Variants in ASIC2 observed in about 807,000 individuals in gnomAD.
ASIC2 encodes the protein acid sensing ion channel subunit 2.
ASIC2 carries 25 observed loss-of-function variants against 57.3 expected under a neutral mutation model. That is an observed-to-expected ratio of 0.44 (90% confidence interval 0.32 to 0.61). ASIC2 has a LOEUF of 0.61. Among genes scored for constraint, ASIC2 ranks in the 20% least tolerant of loss-of-function variants. ASIC2 has a pLI of 0.06. For missense variants in ASIC2, 641 were observed against 738.1 expected (o/e 0.87, Z 1.52); for synonymous variants, 319 against 307.5 (o/e 1.04, Z -0.39).
chr17:33,135,493 G>T (rs1287915781), intron 1 of ASIC2, among the ~76,000 whole-genome samples: 1 of 152,212 alleles, frequency 6.6e-6, no homozygotes, highest in African/African-American at 2.4e-5. Flanking sequence ...GCAAAAATTT[G>T]CTCTTGTTCA....
intron 1 of ASIC2, among the ~76,000 whole-genome samples, chr17:33,172,314 G>T (rs183882466): frequency 7.9e-5 from 12 of 152,288 alleles, no homozygotes; most frequent in Non-Finnish European, 1.3e-4. Flanking sequence ...TATTTTCCAC[G>T]TATGGAGTGG....
At chr17:33,080,904 C>T (rs2092110742) in intron 3 of ASIC2, among the ~76,000 whole-genome samples, 1 of 152,126 alleles carries the variant, frequency 6.6e-6, no homozygotes, top group Admixed American at 6.5e-5. Context: ...CAACTGAAAA[C>T]TGATTATTTC....
intron 1 of ASIC2, among the ~76,000 whole-genome samples, chr17:33,771,018 G>T (rs1272534610): frequency 6.6e-6 from 1 of 152,166 alleles, no homozygotes; most frequent in African/African-American, 2.4e-5. Flanking sequence ...TGGGGATTGG[G>T]GGACTGATCA....
intron 1 of ASIC2, among the ~76,000 whole-genome samples, chr17:34,147,658 A>G (rs985669396): frequency 6.6e-5 from 10 of 152,208 alleles, no homozygotes; most frequent in Non-Finnish European, 1.2e-4. Context: ...TGGAGTTTCA[A>G]ACTGGGAGGG....
At chr17:33,107,894 C>T (rs917103096) in intron 2 of ASIC2, among the ~76,000 whole-genome samples, 3 of 152,216 alleles carry the variant, frequency 2.0e-5, no homozygotes, top group African/African-American at 7.2e-5. Flanking sequence ...GTTCCAGAGG[C>T]TCTGCTTTGA....
At chr17:34,091,837 C>T (rs1203996109) in intron 1 of ASIC2, among the ~76,000 whole-genome samples, 5 of 152,170 alleles carry the variant, frequency 3.3e-5, no homozygotes, top group Non-Finnish European at 5.9e-5. Context: ...GATTCATATA[C>T]AGATTGGAAT....
intron 1 of ASIC2, among the ~76,000 whole-genome samples, chr17:33,440,507 CTG>C (rs920429824): frequency 2.6e-5 from 4 of 152,212 alleles, no homozygotes; most frequent in African/African-American, 9.6e-5. Context: ...CACATGGTAA[CTG>C]TGTTTAAACT....
chr17:33,158,702 T>A (rs1905079998), intron 1 of ASIC2, among the ~76,000 whole-genome samples: 1 of 152,264 alleles, frequency 6.6e-6, no homozygotes, highest in South Asian at 2.1e-4. Flanking sequence ...CATGAGTGAC[T>A]TCGGGCAAGC....
intron 1 of ASIC2, among the ~76,000 whole-genome samples, chr17:33,693,599 T>A (rs1321284338): frequency 6.6e-6 from 1 of 152,200 alleles, no homozygotes; most frequent in Non-Finnish European, 1.5e-5. Context: ...TAGACTATTC[T>A]GCGGACCAGG....
intron 1 of ASIC2, among the ~76,000 whole-genome samples, chr17:33,770,838 AGAC>A (rs1389534392): frequency 3.3e-5 from 5 of 152,210 alleles, no homozygotes; most frequent in African/African-American, 1.2e-4. Context: ...GTCTTCCAGA[AGAC>A]AGACTCATTG....
At chr17:33,067,823 G>A (rs145277686) in intron 3 of ASIC2, among the ~76,000 whole-genome samples, 9 of 152,324 alleles carry the variant, frequency 5.9e-5, no homozygotes, top group Non-Finnish European at 1.2e-4. Flanking sequence ...CCAGGACGAG[G>A]CGAATTGTTC....
rs1362175819 is a variant in ASIC2, at chr17:33,517,687, CG to C, written c.556-405621del. ...ATACAGGAAGGGGAACATCACACAC[CG>C]GGGCCTGTTGTGGGGTTGGGGGAGG... is the stretch of plus-strand genomic sequence containing the variant. On this transcript the variant is annotated intron_variant, in intron 1 of 9. Coordinates refer to the ASIC2 transcript ENST00000359872. 2.1e-4 allele frequency among the ~76,000 whole-genome samples: 14 copies of C among 65,960 alleles called. No individual in the cohort carries two copies. In the Admixed American group the frequency reaches 2.9e-3, roughly 14 times the overall value. The allele number at this position is 65,960 out of a possible 152,430, so 43.3% of individuals were successfully genotyped here.
At chr17:33,924,443 C>T (rs1915780240) in intron 1 of ASIC2, among the ~76,000 whole-genome samples, 2 of 152,216 alleles carry the variant, frequency 1.3e-5, no homozygotes, top group Non-Finnish European at 2.9e-5. Flanking sequence ...CTCAGCACTA[C>T]AAAGTGGATA....
chr17:33,771,186 T>C (rs1911093891), intron 1 of ASIC2, among the ~76,000 whole-genome samples: 1 of 152,214 alleles, frequency 6.6e-6, no homozygotes, highest in Non-Finnish European at 1.5e-5. Context: ...CGTTCTGGTG[T>C]GTTCTGGGTG....
chr17:33,587,912 CAT>C (rs1187732309), intron 1 of ASIC2, among the ~76,000 whole-genome samples: 15 of 152,186 alleles, frequency 9.9e-5, no homozygotes, highest in Non-Finnish European at 2.2e-4. Flanking sequence ...GACCATGTAA[CAT>C]AACTTCAGGC....
chr17:33,242,313 CAAAA>C (rs34667054), intron 1 of ASIC2, among the ~76,000 whole-genome samples: 12 of 110,896 alleles, frequency 1.1e-4, no homozygotes, highest in Middle Eastern at 5.0e-3. Flanking sequence ...GAGACTCCGT[CAAAA>C]AAAAAAAAAA....
chr17:33,974,605 TATCCATCC>T (rs55947544), intron 1 of ASIC2, among the ~76,000 whole-genome samples: 2,687 of 145,422 alleles, frequency 0.018, 104 homozygotes, highest in African/African-American at 0.064. Flanking sequence ...GGAACCTATC[TATCCATCC>T]ATCCATCCAT....
At chr17:33,049,821 T>C (rs960847016) in intron 3 of ASIC2, among the ~76,000 whole-genome samples, 3 of 152,110 alleles carry the variant, frequency 2.0e-5, no homozygotes, top group South Asian at 2.1e-4. Context: ...CGCTCCAAAG[T>C]GTGCTCCTCT....
chr17:33,531,960 G>T (rs1915065106), intron 1 of ASIC2, among the ~76,000 whole-genome samples: 1 of 152,168 alleles, frequency 6.6e-6, no homozygotes, highest in African/African-American at 2.4e-5. Context: ...TAATGGAAGG[G>T]ATGCCCAAGA....
Sources: allele counts gnomAD v4.1 joint callset (sites outside exome capture counted in the v4.1 genomes callset), GRCh38; gene constraint gnomAD v4.1.1; transcripts MANE v1.5; gene names NCBI Gene and HGNC (gene_info 2026-07-23, HGNC 2026-07-21).